BBX: variants seen among roughly 807,000 people sequenced by gnomAD.
The protein encoded by BBX is HMG box transcription factor BBX.
In BBX, 30 loss-of-function variants were observed where a neutral mutation model predicts 100.2. The ratio of observed to expected loss-of-function variants is 0.30; its 90% CI spans 0.22 to 0.41. The LOEUF (loss-of-function observed/expected upper bound fraction) is 0.41. Among genes scored for constraint, BBX ranks in the 10% least tolerant of loss-of-function variants. BBX has a pLI of 1.00. For missense variants in BBX, 1,023 were observed against 1,129.8 expected, an observed-to-expected ratio of 0.91 and a Z score of 1.35; for synonymous variants, 376 against 388.1, an observed-to-expected ratio of 0.97 and a Z score of 0.37.
intron 2 of BBX, among the ~76,000 whole-genome samples, chr3:107,605,600 C>A (rs374360292): frequency 2.6e-5 from 4 of 152,134 alleles, no homozygotes; most frequent in African/African-American, 9.7e-5. Context: ...CTTCCTTCTC[C>A]TACCACCCTC....
intron 7 of BBX, among the ~76,000 whole-genome samples, chr3:107,743,616 A>G (rs891552024): frequency 5.3e-5 from 8 of 152,210 alleles, no homozygotes; most frequent in Non-Finnish European, 2.9e-5. Flanking sequence ...CACGTCCTCA[A>G]TGTCTTAAGA....
intron 9 of BBX, among the ~76,000 whole-genome samples, chr3:107,749,017 C>T (rs898664870): frequency 1.3e-5 from 2 of 151,720 alleles, no homozygotes; most frequent in Non-Finnish European, 2.9e-5. Flanking sequence ...AAAGCTGTTT[C>T]CTCTTGGGAC....
At chr3:107,620,723 A>T (rs1190764845) in intron 2 of BBX, among the ~76,000 whole-genome samples, 1 of 152,020 alleles carries the variant, frequency 6.6e-6, no homozygotes. Flanking sequence ...GATAGGAATG[A>T]CTCATTACTG....
chr3:107,717,164 G>A (rs2062167400), intron 5 of BBX, among the ~76,000 whole-genome samples: 1 of 151,988 alleles, frequency 6.6e-6, no homozygotes, highest in Non-Finnish European at 1.5e-5. Flanking sequence ...TACAGTGAAT[G>A]GTGATTTGTT....
chr3:107,716,942 C>A, intron 5 of BBX, 93 bp downstream of exon 5: 2 of 1,430,416 alleles, frequency 1.4e-6, no homozygotes, highest in South Asian at 1.3e-5. Flanking sequence ...GAAGGTCTAG[C>A]AATGAGAAGG....
chr3:107,533,816 C>T (rs72939485), intron 2 of BBX, among the ~76,000 whole-genome samples: 7,346 of 152,054 alleles, frequency 0.048, 568 homozygotes, highest in African/African-American at 0.16. Context: ...ATACTGCTAC[C>T]TGCACATTTT....
At chr3:107,721,346 A>G (rs1016149906) in intron 5 of BBX, among the ~76,000 whole-genome samples, 10 of 151,614 alleles carry the variant, frequency 6.6e-5, no homozygotes, top group African/African-American at 2.2e-4. Flanking sequence ...CTGCTTTTCC[A>G]TAGTTGTTTT....
intron 2 of BBX, among the ~76,000 whole-genome samples, chr3:107,556,552 G>T (rs1451226867): frequency 1.3e-5 from 2 of 152,020 alleles, no homozygotes; most frequent in African/African-American, 4.8e-5. Context: ...ATGAGGCTGG[G>T]GTCACTGTGG....
intron 2 of BBX, among the ~76,000 whole-genome samples, chr3:107,535,634 C>T (rs2048442009): frequency 1.3e-5 from 2 of 148,976 alleles, no homozygotes. Context: ...ACTCTGTCGC[C>T]TAGGCTGGAG....
At chr3:107,758,013 T>C (rs2065620482) in intron 10 of BBX, among the ~76,000 whole-genome samples, 1 of 152,194 alleles carries the variant, frequency 6.6e-6, no homozygotes, top group African/African-American at 2.4e-5. Context: ...TTCCTCCTCT[T>C]ATCCCCACTC....
At chr3:107,597,989 A>C (rs1028449206) in intron 2 of BBX, among the ~76,000 whole-genome samples, 5 of 151,844 alleles carry the variant, frequency 3.3e-5, no homozygotes, top group East Asian at 1.9e-4. Flanking sequence ...AGGGTAATCT[A>C]CTCCCCTGGA....
At chr3:107,797,337 A>AATATACATATATATATATATAT (rs1553699311) in intron 15 of BBX, among the ~76,000 whole-genome samples, 1 of 39,326 alleles carries the variant, frequency 2.5e-5, no homozygotes, top group African/African-American at 7.6e-5. Context: ...TTTTCTTCCA[A>AATATACATATATATATATATAT]ATATATATAT....
intron 3 of BBX, among the ~76,000 whole-genome samples, chr3:107,675,262 CAG>C (rs1463653237): frequency 6.6e-6 from 1 of 152,094 alleles, no homozygotes; most frequent in Admixed American, 6.6e-5. Context: ...TGACGGAAAT[CAG>C]AGCTTTTCTT....
intron 2 of BBX, among the ~76,000 whole-genome samples, chr3:107,529,403 C>T (rs1287217412): frequency 6.6e-6 from 1 of 152,204 alleles, no homozygotes; most frequent in African/African-American, 2.4e-5. Context: ...GAAATGAAAA[C>T]AAACTCAACT....
chr3:107,713,800 T>C (rs193213917), intron 4 of BBX, among the ~76,000 whole-genome samples: 16 of 152,164 alleles, frequency 1.1e-4, no homozygotes, highest in South Asian at 4.2e-4. Context: ...GAAGCCCTGT[T>C]CTCTTTTACA....
At chr3:107,601,898 G>A (rs2054091885) in intron 2 of BBX, among the ~76,000 whole-genome samples, 1 of 152,204 alleles carries the variant, frequency 6.6e-6, no homozygotes, top group African/African-American at 2.4e-5. Flanking sequence ...GCTTCAAAGA[G>A]CTTCAAAGGA....
At chr3:107,678,058 A>G (rs1313180221) in intron 3 of BBX, among the ~76,000 whole-genome samples, 2 of 152,176 alleles carry the variant, frequency 1.3e-5, no homozygotes, top group Non-Finnish European at 2.9e-5. Flanking sequence ...TTATGTGTAT[A>G]TAAGCACATA....
At chr3:107,562,595 A>G (rs1001195871) in intron 2 of BBX, among the ~76,000 whole-genome samples, 3 of 152,212 alleles carry the variant, frequency 2.0e-5, no homozygotes, top group Admixed American at 6.5e-5. Context: ...ATTTTTAAGA[A>G]ACATTAATGA....
intron 3 of BBX, among the ~76,000 whole-genome samples, chr3:107,670,505 C>A (rs183616587): frequency 6.6e-6 from 1 of 151,658 alleles, no homozygotes; most frequent in African/African-American, 2.4e-5. Context: ...TACTATACAT[C>A]GTATGTATTG....
Sources: allele counts gnomAD v4.1 joint callset (sites outside exome capture counted in the v4.1 genomes callset), GRCh38; gene constraint gnomAD v4.1.1; transcripts MANE v1.5; gene names NCBI Gene and HGNC (gene_info 2026-07-23, HGNC 2026-07-21).